Variants in GTF3C1 observed in about 807,000 individuals in gnomAD.
The protein encoded by GTF3C1 is general transcription factor 3C polypeptide 1.
In GTF3C1, 57 loss-of-function variants were observed where a neutral mutation model predicts 226.7. That is an observed-to-expected ratio of 0.25 (90% CI 0.20 to 0.31). GTF3C1 has a LOEUF of 0.31. Ranked by LOEUF, GTF3C1 falls within the 10% of genes least tolerant of loss-of-function variation. The pLI is 1.00. For synonymous variants in GTF3C1, 1,090 were observed against 1,084.8 expected (o/e 1.00, Z -0.09); for missense variants, 2,217 against 2,776.1 (o/e 0.80, Z 4.53).
chr16:27,522,296 T>C (rs1484656126), intron 6 of GTF3C1, among the ~76,000 whole-genome samples: 1 of 152,218 alleles, frequency 6.6e-6, no homozygotes, highest in East Asian at 1.9e-4. Context: ...ACTAATCTAC[T>C]TCCAGATTCC....
intron 25 of GTF3C1, among the ~76,000 whole-genome samples, chr16:27,483,813 G>A (rs547316586): frequency 6.6e-6 from 1 of 152,328 alleles, no homozygotes; most frequent in South Asian, 2.1e-4. Context: ...CTAGCTTGCT[G>A]CTGGAGGGAG....
chr16:27,495,567 T>C (rs2088304101), intron 14 of GTF3C1, 75 bp from the exon 15 acceptor site: 4 of 1,382,608 alleles, frequency 2.9e-6, no homozygotes, highest in South Asian at 1.3e-5. Flanking sequence ...TAAAAAATGA[T>C]TGAGTGCCAC....
intron 10 of GTF3C1, among the ~76,000 whole-genome samples, 167 bp downstream of exon 10, chr16:27,505,732 G>A (rs1258396630): frequency 6.6e-6 from 1 of 152,238 alleles, no homozygotes; most frequent in South Asian, 2.1e-4. Flanking sequence ...CGTGAAAGTG[G>A]TGTGTAGATA....
rs750703405 is a variant in GTF3C1 at position 27,461,533 on chromosome 16, C to T, written c.6147G>A (p.Lys2049=). Residue 2049 remains lysine (K), a synonymous_variant, in exon 37 of 37, where the codon AAG becomes AAA. Transcript: ENST00000356183. This position sits in a 1 kb window ranked among gnomAD's most constrained non-coding sequence, Gnocchi z 5.3. ...CAGGCCTTGGCTTTCTCAGCCAGCG[C>T]TTCCGGATGCAGCCGAGGGACTCCA... is the stretch of plus-strand genomic sequence containing the variant. ...QGLESLGCIR[K]RWLRKPRPVS... 9 of 1,613,782 alleles carry T rather than the reference C, an allele frequency of 5.6e-6. No homozygotes were observed. In the African/African-American group the frequency reaches 1.2e-4, roughly 22 times the overall value.
chr16:27,516,144 TTG>T (rs796408243), intron 6 of GTF3C1, among the ~76,000 whole-genome samples: 12 of 152,302 alleles, frequency 7.9e-5, no homozygotes, highest in African/African-American at 2.9e-4. Flanking sequence ...CCCCCCCTTA[TTG>T]TGAGATAAGC....
At chr16:27,483,368 TAACCGAG>T in intron 25 of GTF3C1, 1 of 626,352 alleles carries the variant, frequency 1.6e-6, no homozygotes, top group Non-Finnish European at 3.0e-6. Context: ...CCTTCATAGG[TAACCGAG>T]AACACTGAGT....
At chr16:27,535,883 G>C (rs549512168) in intron 4 of GTF3C1, among the ~76,000 whole-genome samples, 1 of 151,990 alleles carries the variant, frequency 6.6e-6, no homozygotes, top group Non-Finnish European at 1.5e-5. Context: ...CAGTTCTCAC[G>C]TATTTTTCCT....
chr16:27,483,030 C>G lies in GTF3C1; in HGVS notation c.4083+14G>C. 1 of 1,612,476 alleles carries G rather than the reference C, an allele frequency of 6.2e-7. No homozygotes were observed. The stretch of plus-strand genomic sequence containing the variant: ...TCCCAAGCATACCAAGCCCTACACT[C>G]ACACAGGACCTACCTTTGGGTCATC... On this transcript the variant is annotated intron_variant, in intron 26 of 36. Coordinates refer to ENST00000356183, the MANE Select transcript of GTF3C1 (RefSeq NM_001520.4).
chr16:27,507,538 C>T lies in GTF3C1; in HGVS notation c.1243-382G>A, dbSNP rs16976842. ...CAGACTGAAAAGTTAGACTGTGGAA[C>T]GCAAGCTCCACTTAGCCACTGCCAT... On this transcript the variant is annotated intron_variant, in intron 8 of 36. Transcript: ENST00000356183. The surrounding 1 kb of genome is among the most constrained non-coding windows in gnomAD (Gnocchi z 4.9). Among the ~76,000 whole-genome samples, 1,810 of 152,318 alleles carry T rather than the reference C, an allele frequency of 0.012. 49 individuals carry two copies. The highest frequency in any genetic ancestry group is 0.041 in the African/African-American group (1,700 of 41,552).
intron 26 of GTF3C1, among the ~76,000 whole-genome samples, chr16:27,482,263 G>A (rs571107485): frequency 2.0e-5 from 3 of 152,254 alleles, no homozygotes; most frequent in Admixed American, 6.5e-5. Flanking sequence ...GGAGTGTGGC[G>A]GCAGGAACCT....
rs866449072 is a variant in GTF3C1 at position 27,504,469 on chromosome 16, G to A, written c.1770+1430C>T. On this transcript the variant is annotated intron_variant, in intron 10 of 36. Coordinates refer to ENST00000356183, the MANE Select transcript of GTF3C1 (RefSeq NM_001520.4). ...TGAAAGAGTCTAGAAAAAAATCAACGCCACGCCCCATCACCTCTGCCATAG... is the reference window on the plus strand; with the variant it reads ...TGAAAGAGTCTAGAAAAAAATCAACACCACGCCCCATCACCTCTGCCATAG... Among the ~76,000 whole-genome samples the A allele has an allele frequency of 5.3e-5, 8 of 152,274 alleles. No homozygotes were observed. In the East Asian group the frequency reaches 5.8e-4, roughly 11 times the overall value.
rs747996030 is a variant in GTF3C1, at chr16:27,507,232, T to C, written c.1243-76A>G. The C allele has an allele frequency of 7.2e-5, 80 of 1,116,536 alleles. 1 individual carries two copies. In the Admixed American group the frequency reaches 1.7e-3, roughly 24 times the overall value. The allele number at this position is 1,116,536 out of a possible 1,614,324, so 69.2% of individuals were successfully genotyped here. On this transcript the variant is annotated intron_variant, in intron 8 of 36. Coordinates refer to ENST00000356183, the MANE Select transcript of GTF3C1 (RefSeq NM_001520.4). This position sits in a 1 kb window ranked among gnomAD's most constrained non-coding sequence, Gnocchi z 4.9. Reference sequence around the variant, plus strand: ...ACAGGGGTTCAGGTGGTCTGTGGCATCTATTTCCTTATTGGCTTTCTTCTG... The same window carrying C: ...ACAGGGGTTCAGGTGGTCTGTGGCACCTATTTCCTTATTGGCTTTCTTCTG...
Position 27,505,769 on chromosome 16 carries a change from C to G in GTF3C1, c.1770+130G>C, listed in dbSNP as rs554869899. 12 of 645,758 alleles carry G rather than the reference C, an allele frequency of 1.9e-5. No homozygotes were observed. In the South Asian group the frequency reaches 2.2e-4, roughly 12 times the overall value. The allele number at this position is 645,758 out of a possible 1,614,324, so 40.0% of individuals were successfully genotyped here. A position where few individuals can be genotyped will look rare whatever the true frequency, so the allele number is the denominator to read the frequency against. ...GCACAGAGCTACTGCCTGGGAAGCA[C>G]AGGCAGGCCTCGGCACGCAGCACTC... On this transcript the variant is annotated intron_variant, in intron 10 of 36. Coordinates refer to ENST00000356183, the MANE Select transcript of GTF3C1 (RefSeq NM_001520.4).
intron 9 of GTF3C1, 50 bp downstream of exon 9, chr16:27,506,797 G>T: frequency 7.3e-7 from 1 of 1,377,882 alleles, no homozygotes; most frequent in East Asian, 2.3e-5. Flanking sequence ...TCTTGCAGGT[G>T]CCCAGCAGTG....
intron 26 of GTF3C1, chr16:27,482,516 G>A (rs1162460371): frequency 6.6e-6 from 3 of 455,866 alleles, no homozygotes; most frequent in Non-Finnish European, 1.3e-5. Context: ...CTCGCCTGTG[G>A]CCTCCTTGGC....
Position 27,545,637 on chromosome 16 carries a change from G to C in GTF3C1, c.222-114C>G, listed in dbSNP as rs536974238. The C allele has an allele frequency of 7.5e-6, 5 of 669,414 alleles. No homozygotes were observed. The East Asian group carries it at 1.3e-4, about 18-fold the overall frequency. The allele number at this position is 669,414 out of a possible 1,614,324, so 41.5% of individuals were successfully genotyped here. The stretch of plus-strand genomic sequence containing the variant: ...GATCAGAGAGAAGTGAGATCAGTCA[G>C]TTTTCCTGCCTTATAAATGCAGATA... On this transcript the variant is annotated intron_variant, in intron 1 of 36. Transcript: ENST00000356183.
chr16:27,548,722 T>A (rs1382950166), intron 1 of GTF3C1, among the ~76,000 whole-genome samples: 1 of 152,212 alleles, frequency 6.6e-6, no homozygotes, highest in Non-Finnish European at 1.5e-5. Flanking sequence ...CTCAGTGTCT[T>A]CCTCTGTAAA....
intron 7 of GTF3C1, 81 bp from the exon 8 acceptor site, chr16:27,508,736 G>A (rs1388712443): frequency 2.0e-6 from 2 of 977,268 alleles, no homozygotes; most frequent in Admixed American, 4.1e-5. Flanking sequence ...CACTTTTTCA[G>A]CAGACATTTT....
intron 29 of GTF3C1, among the ~76,000 whole-genome samples, chr16:27,472,799 C>T (rs1388119575): frequency 6.6e-6 from 1 of 152,264 alleles, no homozygotes; most frequent in Non-Finnish European, 1.5e-5. Context: ...AATCCCTCTC[C>T]ATTCTCCTCC....
Sources: allele counts gnomAD v4.1 joint callset (sites outside exome capture counted in the v4.1 genomes callset), GRCh38; gene constraint gnomAD v4.1.1; non-coding constraint Gnocchi (gnomAD v3.1); transcripts MANE v1.5; gene names NCBI Gene and HGNC (gene_info 2026-07-23, HGNC 2026-07-21).